Variants in RAB37 observed in about 807,000 individuals in gnomAD.
The protein encoded by RAB37 is ras-related protein Rab-37.
Under a neutral mutation model 33.1 loss-of-function variants are expected in RAB37, and 29 were observed. The ratio of observed to expected loss-of-function variants is 0.88; its 90% confidence interval spans 0.65 to 1.20. The LOEUF (loss-of-function observed/expected upper bound fraction) is 1.20, where lower values mean the gene tolerates loss of function less well. Among genes scored for constraint, RAB37 ranks in the 50% most tolerant of loss-of-function variants. RAB37 has a pLI of 0.00. For missense variants in RAB37, 299 were observed against 301.1 expected (o/e 0.99, Z 0.05); for synonymous variants, 128 against 119.5 (o/e 1.07, Z -0.47).
In RAB37 at chr17:74,745,109, G is replaced by A; in HGVS notation, c.566+25G>A. 3 of 1,613,162 alleles carry A rather than the reference G, an allele frequency of 1.9e-6. No homozygotes were observed. Among genetic ancestry groups the A allele is most frequent in the African/African-American group, 2.7e-5 (2 of 75,050 alleles). On this transcript the variant is annotated intron_variant, in intron 8 of 8. Coordinates refer to ENST00000392613, the MANE Select transcript of RAB37 (RefSeq NM_001006638.3). This position sits in a 1 kb window ranked among gnomAD's most constrained non-coding sequence, Gnocchi z 4.5. ...AGTGAGAGCTGGGCAGGGAAGGGAA[G>A]TGTGCGGGGCAGGGCGGCACACTCC... is the stretch of plus-strand genomic sequence containing the variant.
In RAB37 at chr17:74,730,553, G is replaced by A. The variant is rs991919055; in HGVS notation, c.183+1187G>A. Among the ~76,000 whole-genome samples, 2 of 152,144 alleles carry A rather than the reference G, an allele frequency of 1.3e-5. No homozygotes were observed. The highest frequency in any genetic ancestry group is 2.9e-5 in the Non-Finnish European group (2 of 68,018). ...CCAGACTGGGACCGGCTGGGCTCTG[G>A]TAGTGCTGAATAGGGAAGGGCTGAG... is the stretch of plus-strand genomic sequence containing the variant. On this transcript the variant is annotated intron_variant, in intron 2 of 7. Transcript: ENST00000340415. This position sits in a 1 kb window ranked among gnomAD's most constrained non-coding sequence, Gnocchi z 4.4.
chr17:74,677,183 ATAAAG>A (rs1037592084), intron 1 of RAB37, among the ~76,000 whole-genome samples: 1 of 152,082 alleles, frequency 6.6e-6, no homozygotes, highest in Admixed American at 6.6e-5. Flanking sequence ...AAAATAAAAA[ATAAAG>A]TTAACATCCA....
upstream of RAB37, among the ~76,000 whole-genome samples, chr17:74,735,654 G>C (rs1042089411): frequency 6.6e-6 from 1 of 152,188 alleles, no homozygotes; most frequent in African/African-American, 2.4e-5. Flanking sequence ...ACTCCAGTCT[G>C]AGGCTCCCTG....
chr17:74,703,051 G>A, intron 1 of RAB37: 4 of 1,613,896 alleles, frequency 2.5e-6, no homozygotes, highest in South Asian at 1.1e-5. Flanking sequence ...TCCAAGTGGT[G>A]GCCGGTCAGA....
chr17:74,743,165 G>T lies in RAB37; in HGVS notation c.283G>T (p.Val95Phe). ...DTAGQERFRS[V>F]THAYYRDAQA... ...CGCTGGGCAGGAACGGTTCCGAAGCGTCACCCATGCTTATTACAGAGATGC... is the reference window on the plus strand; with the variant it reads ...CGCTGGGCAGGAACGGTTCCGAAGCTTCACCCATGCTTATTACAGAGATGC... Residue 95 changes from valine (V) to phenylalanine (F), a missense_variant, in exon 4 of 9, where the codon GTC becomes TTC. Coordinates refer to ENST00000392613, the MANE Select transcript of RAB37 (RefSeq NM_001006638.3). The T allele has an allele frequency of 6.2e-7, 1 of 1,613,638 alleles. No homozygotes were observed. The highest frequency in any genetic ancestry group is 8.5e-7 in the Non-Finnish European group (1 of 1,179,758).
chr17:74,729,997 G>T lies in RAB37; in HGVS notation c.183+631G>T, dbSNP rs1028920413. On this transcript the variant is annotated intron_variant, in intron 2 of 7. Transcript: ENST00000340415. This position sits in a 1 kb window ranked among gnomAD's most constrained non-coding sequence, Gnocchi z 4.2. ...CGGTAAAATGGTAAAAGGGCAGCTC[G>T]GGTTAAGGAAGCCCAGTGCCCTCGG... Among the ~76,000 whole-genome samples the T allele has an allele frequency of 6.6e-6, 1 of 152,126 alleles. No homozygotes were observed. The highest frequency in any genetic ancestry group is 1.5e-5 in the Non-Finnish European group (1 of 68,018).
chr17:74,689,905 T>C (rs200901923), intron 1 of RAB37, among the ~76,000 whole-genome samples: 2 of 152,160 alleles, frequency 1.3e-5, no homozygotes, highest in East Asian at 3.8e-4. Context: ...AAGCCAATGA[T>C]ATGCACATAG....
intron 1 of RAB37, among the ~76,000 whole-genome samples, chr17:74,678,536 C>T (rs1036396352): frequency 1.3e-5 from 2 of 152,172 alleles, no homozygotes; most frequent in African/African-American, 2.4e-5. Flanking sequence ...ACAGTTTCTA[C>T]CCATCAACAT....
At position 74,703,284 on chromosome 17, in the gene RAB37, G is replaced by A. The variant is rs571915315; in HGVS notation, c.73-25972G>A. ...AGGGGCTGCAGCCTGGACCACTCATGTCTCCCTGGTCTCTAGGAGACTCCA... is the reference window on the plus strand; with the variant it reads ...AGGGGCTGCAGCCTGGACCACTCATATCTCCCTGGTCTCTAGGAGACTCCA... On this transcript the variant is annotated intron_variant, in intron 1 of 7. Transcript: ENST00000340415. 8 of 631,850 alleles carry A rather than the reference G, an allele frequency of 1.3e-5. No homozygotes were observed. The East Asian group carries it at 2.3e-4, about 18-fold the overall frequency. The allele number at this position is 631,850 out of a possible 1,614,324, so 39.1% of individuals were successfully genotyped here. A position where few individuals can be genotyped will look rare whatever the true frequency, so the allele number is the denominator to read the frequency against.
intron 1 of RAB37, among the ~76,000 whole-genome samples, chr17:74,723,725 C>A (rs879732587): frequency 6.6e-6 from 1 of 151,836 alleles, no homozygotes; most frequent in Non-Finnish European, 1.5e-5. Context: ...ACTACAGGCG[C>A]GCATTTTTGC....
intron 1 of RAB37, chr17:74,696,003 TC>T (rs1474157529): frequency 7.9e-7 from 1 of 1,264,772 alleles, no homozygotes; most frequent in Admixed American, 2.3e-5. Flanking sequence ...CTTCTCAGGC[TC>T]CTGTACCCCT....
At chr17:74,726,033 G>A (rs905717827) in intron 1 of RAB37, among the ~76,000 whole-genome samples, 1 of 151,952 alleles carries the variant, frequency 6.6e-6, no homozygotes, top group Non-Finnish European at 1.5e-5. Flanking sequence ...TCAGGAGATC[G>A]AGACCATCCT....
rs796770843 is a variant in RAB37 at position 74,705,468 on chromosome 17, GT to G, written c.73-23786del. 4.4e-5 allele frequency: 22 copies of G among 496,082 alleles called. 1 individual carries two copies. The highest frequency in any genetic ancestry group is 4.2e-4 in the African/African-American group (22 of 52,304). 30.7% of individuals were successfully genotyped at this position (496,082 alleles called of 1,614,324 possible). A position where few individuals can be genotyped will look rare whatever the true frequency, so the allele number is the denominator to read the frequency against. On this transcript the variant is annotated intron_variant, in intron 1 of 7. Coordinates refer to the RAB37 transcript ENST00000340415. ...TGCAAATTTGTGGATTTCCCATTCT[GT>G]TCCATTGATCTATTTGTCCACCTTT...
At chr17:74,681,652 G>A (rs2031957301) in intron 1 of RAB37, among the ~76,000 whole-genome samples, 1 of 152,160 alleles carries the variant, frequency 6.6e-6, no homozygotes, top group South Asian at 2.1e-4. Flanking sequence ...ATGTCCTCCA[G>A]GACCCTCACT....
intron 1 of RAB37, among the ~76,000 whole-genome samples, chr17:74,705,822 C>T (rs1239842621): frequency 1.3e-5 from 2 of 152,114 alleles, no homozygotes; most frequent in African/African-American, 2.4e-5. Context: ...CTCAAACTCC[C>T]GGGCTCAAGC....
chr17:74,704,513 T>A, intron 1 of RAB37: 2 of 1,613,948 alleles, frequency 1.2e-6, no homozygotes, highest in Non-Finnish European at 1.7e-6. Flanking sequence ...GACCCCAAGG[T>A]CATTTCCAGT....
intron 1 of RAB37, chr17:74,696,098 G>A: frequency 1.4e-6 from 2 of 1,465,256 alleles, no homozygotes; most frequent in Admixed American, 2.1e-5. Flanking sequence ...TTTGGCACAG[G>A]ACTTCTCTGA....
intron 1 of RAB37, among the ~76,000 whole-genome samples, chr17:74,740,451 A>G (rs1205162093): frequency 6.6e-6 from 1 of 152,134 alleles, no homozygotes; most frequent in Non-Finnish European, 1.5e-5. Flanking sequence ...CACTGTCTAG[A>G]TTGTGCAAAT....
At chr17:74,704,787 G>T (rs202161884) in intron 1 of RAB37, 2 of 1,613,572 alleles carry the variant, frequency 1.2e-6, no homozygotes, top group East Asian at 4.5e-5. Flanking sequence ...ACTGTTGTTG[G>T]ACCGGTGATT....
Sources: gnomAD v4.1 joint callset for allele counts (sites outside exome capture counted in the v4.1 genomes callset) on GRCh38, gnomAD v4.1.1 for gene constraint, Gnocchi (gnomAD v3.1) non-coding constraint, MANE v1.5 for transcripts, NCBI Gene and HGNC (gene_info 2026-07-23, HGNC 2026-07-21) for gene names.